Variants in MMS22L observed in about 807,000 individuals in gnomAD.
The protein encoded by MMS22L is MMS22 like, DNA repair protein.
Under a neutral mutation model 159.1 loss-of-function variants are expected in MMS22L, and 74 were observed. The ratio of observed to expected loss-of-function variants is 0.47; its 90% CI spans 0.39 to 0.56. The LOEUF (loss-of-function observed/expected upper bound fraction) is 0.56. Ranked by LOEUF, MMS22L falls within the 20% of genes least tolerant of loss-of-function variation. The pLI is 0.00. For synonymous variants in MMS22L, 517 were observed against 506.9 expected (o/e 1.02, Z -0.27); for missense variants, 1,351 against 1,422.1 (o/e 0.95, Z 0.80).
At chr6:97,191,028 T>C (rs1805807882) in intron 14 of MMS22L, among the ~76,000 whole-genome samples, 1 of 152,332 alleles carries the variant, frequency 6.6e-6, no homozygotes, top group Non-Finnish European at 1.5e-5. Flanking sequence ...TTCCTGATTC[T>C]TTCATCTGAC....
At chr6:97,270,888 T>C (rs1038263489) in intron 6 of MMS22L, 5 of 152,148 alleles carry the variant, frequency 3.3e-5, no homozygotes, top group Non-Finnish European at 1.5e-5. Context: ...AAAAATAACA[T>C]GAATTAAAGA....
At chr6:97,212,204 G>C (rs1160001605) in intron 14 of MMS22L, among the ~76,000 whole-genome samples, 1 of 152,146 alleles carries the variant, frequency 6.6e-6, no homozygotes, top group African/African-American at 2.4e-5. Context: ...CCAGCACAAA[G>C]TCTGTCATGG....
rs1027226844 is a variant in MMS22L, at chr6:97,144,511, A to G, written c.*2295T>C. On this transcript the variant is annotated 3_prime_UTR_variant, in exon 25 of 25. Coordinates refer to ENST00000683635, the MANE Select transcript of MMS22L (RefSeq NM_001350599.2). ...CATTGTGGAAATGATGGGAAGATAA[A>G]AGAAAATACAATTGTCACAGAGAGG... 1 of 152,292 alleles carries G rather than the reference A, an allele frequency of 6.6e-6. No individual in the cohort carries two copies. Among genetic ancestry groups the G allele is most frequent in the African/African-American group, 2.4e-5 (1 of 41,456 alleles). The allele number at this position is 152,292 out of a possible 1,614,324, so 9.4% of individuals were successfully genotyped here. A position where few individuals can be genotyped will look rare whatever the true frequency, so the allele number is the denominator to read the frequency against.
At chr6:97,162,345 G>T (rs1169761172) in intron 21 of MMS22L, among the ~76,000 whole-genome samples, 180 bp from the exon 22 acceptor site, 2 of 151,996 alleles carry the variant, frequency 1.3e-5, no homozygotes, top group African/African-American at 2.4e-5. Flanking sequence ...AGCAATGACT[G>T]ACTGTATATC....
rs771273430 is a variant in MMS22L at position 97,165,588 on chromosome 6, C to G, written c.3010-131G>C. On this transcript the variant is annotated intron_variant, in intron 20 of 24. Coordinates refer to ENST00000683635, the MANE Select transcript of MMS22L (RefSeq NM_001350599.2). Reference sequence around the variant, plus strand: ...TATAAAAATCAAAAAGGATACCTCACGTAATCCACAGATAATGTACATACG... The same window carrying G: ...TATAAAAATCAAAAAGGATACCTCAGGTAATCCACAGATAATGTACATACG... The G allele has an allele frequency of 6.7e-6, 5 of 744,698 alleles. No homozygotes were observed. In the East Asian group the frequency reaches 1.3e-4, roughly 20 times the overall value. The allele number at this position is 744,698 out of a possible 1,614,324, so 46.1% of individuals were successfully genotyped here.
chr6:97,159,948 G>GT (rs368455553), intron 22 of MMS22L, among the ~76,000 whole-genome samples: 18,343 of 97,292 alleles, frequency 0.19, 2,309 homozygotes, highest in East Asian at 0.47. Flanking sequence ...TATCATTTCT[G>GT]TTTTTTTTTT....
Position 97,181,992 on chromosome 6 carries a change from C to G in MMS22L, c.2296G>C (p.Val766Leu), listed in dbSNP as rs777234321. The change falls in exon 16 of 25, where the codon GTT becomes CTT. Residue 766 changes from valine (V) to leucine (L), a missense_variant. Physicochemically the swap from Val to Leu is conservative, Grantham distance 32. Coordinates refer to ENST00000683635, the MANE Select transcript of MMS22L (RefSeq NM_001350599.2). ...TAPSDFQPQP[V>L]ISIIQLFGWD... The stretch of plus-strand genomic sequence containing the variant: ...CCAAAAAGTTGAATAATTGATATAA[C>G]TGGCTGAGGCTGAAAATCTGATGGA... 1.1e-5 allele frequency: 17 copies of G among 1,613,666 alleles called. No individual in the cohort carries two copies. In the East Asian group the frequency reaches 2.9e-4, roughly 28 times the overall value.
chr6:97,206,950 C>G lies in MMS22L; in HGVS notation c.2040-20260G>C, dbSNP rs537688262. ...TACCTTGGAGCTCTTTCTTTCCCAT[C>G]ATTAACTGAAATAAAATATAACCTA... On this transcript the variant is annotated intron_variant, in intron 14 of 24. Transcript: ENST00000683635. 3.9e-5 allele frequency among the ~76,000 whole-genome samples: 6 copies of G among 152,194 alleles called. No individual in the cohort carries two copies. In the East Asian group the frequency reaches 9.6e-4, roughly 24 times the overall value.
In MMS22L at chr6:97,160,726, G is replaced by A. The variant is rs191585542; in HGVS notation, c.3385+1276C>T. 4.1e-3 allele frequency among the ~76,000 whole-genome samples: 623 copies of A among 151,940 alleles called. 6 individuals carry two copies. The highest frequency in any genetic ancestry group is 0.014 in the African/African-American group (592 of 41,464). On this transcript the variant is annotated intron_variant, in intron 22 of 24. Coordinates refer to ENST00000683635, the MANE Select transcript of MMS22L (RefSeq NM_001350599.2). ...CTTTCTCTCTTCTTCTGGTTCACCT[G>A]TTGTATATATGGTGCACTTAATGGT...
At chr6:97,159,751 C>T (rs71562324) in intron 22 of MMS22L, among the ~76,000 whole-genome samples, 5,466 of 151,884 alleles carry the variant, frequency 0.036, 103 homozygotes, top group Middle Eastern at 0.071. Flanking sequence ...AAATTACCTT[C>T]AGGCTACATG....
chr6:97,211,060 T>C (rs1033161637), intron 14 of MMS22L, among the ~76,000 whole-genome samples: 44 of 152,102 alleles, frequency 2.9e-4, no homozygotes, highest in African/African-American at 9.9e-4. Flanking sequence ...AACATTTTCA[T>C]GTACACAAGA....
rs1569532 is a variant in MMS22L at position 97,203,707 on chromosome 6, C to A, written c.2040-17017G>T. ...TTCCACTCCTTGAAGCAAGTCTCTA[C>A]CTAATCTACCCAGAGCTGGGACAAT... On this transcript the variant is annotated intron_variant, in intron 14 of 24. Transcript: ENST00000683635. 7.9e-5 allele frequency among the ~76,000 whole-genome samples: 12 copies of A among 151,998 alleles called. No individual in the cohort carries two copies. The South Asian group carries it at 8.3e-4, about 11-fold the overall frequency.
At position 97,231,699 on chromosome 6, in the gene MMS22L, G is replaced by C. The variant is rs200312460; in HGVS notation, c.1303-47C>G. ...ATAGAAAACAATTATTAGTCTCTTA[G>C]TAAATAAAATGGTAAGCTGCAAATC... On this transcript the variant is annotated intron_variant, in intron 12 of 24. Transcript: ENST00000683635. 3.3e-5 allele frequency: 46 copies of C among 1,373,862 alleles called. No individual in the cohort carries two copies. The East Asian group carries it at 1.1e-3, about 32-fold the overall frequency. 85.1% of individuals were successfully genotyped at this position (1,373,862 alleles called of 1,614,324 possible).
At chr6:97,172,736 C>T (rs149259942) in intron 19 of MMS22L, among the ~76,000 whole-genome samples, 1 of 151,964 alleles carries the variant, frequency 6.6e-6, no homozygotes, top group Admixed American at 6.6e-5. Context: ...AATAGATAAG[C>T]GTTTTTTTAA....
chr6:97,255,765 G>A (rs1251800189), intron 9 of MMS22L, among the ~76,000 whole-genome samples: 1 of 95,292 alleles, frequency 1.0e-5, no homozygotes, highest in Non-Finnish European at 2.7e-5. Context: ...CTATGCATGT[G>A]TATTTCTCCT....
intron 16 of MMS22L, among the ~76,000 whole-genome samples, chr6:97,181,127 TA>T (rs1804662151): frequency 6.6e-6 from 1 of 152,070 alleles, no homozygotes; most frequent in African/African-American, 2.4e-5. Context: ...CTATGTGAGA[TA>T]GTAATGAAGA....
rs71012591 is a variant in MMS22L, at chr6:97,262,657, C to CAAA, written c.942+675_942+677dup. Among the ~76,000 whole-genome samples the CAAA allele has an allele frequency of 3.8e-3, 406 of 105,984 alleles. 6 individuals are homozygous for CAAA. The highest frequency in any genetic ancestry group is 0.015 in the East Asian group (59 of 3,894). The allele number at this position is 105,984 out of a possible 152,430, so 69.5% of individuals were successfully genotyped here. A position where few individuals can be genotyped will look rare whatever the true frequency, so the allele number is the denominator to read the frequency against. ...CCTGAGCAACAGAGCAAGACTGCCT[C>CAAA]AAAAAAAAAAAAAAAAAAAGATAGC... On this transcript the variant is annotated intron_variant, in intron 9 of 24. Transcript: ENST00000683635.
Position 97,246,698 on chromosome 6 carries a change from G to A in MMS22L, c.1120-8C>T, listed in dbSNP as rs1160849483. On this transcript the variant is annotated splice_polypyrimidine_tract_variant and splice_region_variant and intron_variant, in intron 10 of 24. Coordinates refer to ENST00000683635, the MANE Select transcript of MMS22L (RefSeq NM_001350599.2). ...ATTTGATTCCACTTTTCTCTAGAAA[G>A]GGAGAAAATAGTGCATCAAAATTAT... The A allele has an allele frequency of 2.0e-6, 3 of 1,512,098 alleles. No homozygotes were observed. The highest frequency in any genetic ancestry group is 2.1e-5 in the African/African-American group (1 of 48,384). The allele number at this position is 1,512,098 out of a possible 1,614,324, so 93.7% of individuals were successfully genotyped here. A position where few individuals can be genotyped will look rare whatever the true frequency, so the allele number is the denominator to read the frequency against.
At chr6:97,231,227 T>C (rs1810827677) in intron 13 of MMS22L, 199 bp downstream of exon 13, 1 of 528,858 alleles carries the variant, frequency 1.9e-6, no homozygotes, top group Non-Finnish European at 3.4e-6. Context: ...AAAAGTTTTA[T>C]ATGTTGAAAC....
Sources: gnomAD v4.1 joint callset for allele counts (sites outside exome capture counted in the v4.1 genomes callset) on GRCh38, gnomAD v4.1.1 for gene constraint, MANE v1.5 for transcripts, NCBI Gene and HGNC (gene_info 2026-07-23, HGNC 2026-07-21) for gene names.